TBKBP1: variants seen among roughly 807,000 people sequenced by gnomAD.
TBKBP1 encodes TANK-binding kinase 1-binding protein 1.
In TBKBP1, 47 loss-of-function variants were observed where a neutral mutation model predicts 69.9. The ratio of observed to expected loss-of-function variants is 0.67; its 90% CI spans 0.53 to 0.86. The LOEUF is 0.86. Among genes scored for constraint, TBKBP1 ranks in the 40% least tolerant of loss-of-function variants. TBKBP1 has a pLI of 0.00. For synonymous variants in TBKBP1, 418 were observed against 390.3 expected (o/e 1.07, Z -0.84); for missense variants, 831 against 858.6 (o/e 0.97, Z 0.40).
In TBKBP1 at chr17:47,696,717, C is replaced by G; in HGVS notation, c.232C>G (p.Leu78Val). The change falls in exon 3 of 10, where the codon CTG becomes GTG. Residue 78 changes from leucine to valine, a missense_variant. Transcript: ENST00000578982. The stretch of plus-strand genomic sequence containing the variant: ...AGCTCCACCCCACCTGCAGTACCCA[C>G]TGATCAGTGACTTTGGAGAGGAGCA... The part of the protein sequence containing the change: ...RLKVYEIKYP[L>V]ISDFGEEHGF... 1 of 1,613,964 alleles carries G rather than the reference C, an allele frequency of 6.2e-7. No homozygotes were observed. Among genetic ancestry groups the G allele is most frequent in the Non-Finnish European group, 8.5e-7 (1 of 1,179,852 alleles).
At chr17:47,707,778 C>T (rs2031747567) in intron 7 of TBKBP1, among the ~76,000 whole-genome samples, 1 of 152,128 alleles carries the variant, frequency 6.6e-6, no homozygotes, top group South Asian at 2.1e-4. Flanking sequence ...ATTGGGCTGG[C>T]TTGGGGTTAA....
At chr17:47,699,032 C>A (rs561811003) in intron 5 of TBKBP1, among the ~76,000 whole-genome samples, 3 of 152,136 alleles carry the variant, frequency 2.0e-5, no homozygotes, top group African/African-American at 2.4e-5. Flanking sequence ...AGAGTCCCCC[C>A]GCCCCGTCTC....
intron 7 of TBKBP1, 95 bp downstream of exon 7, chr17:47,699,792 G>GT (rs2031418077): frequency 4.3e-6 from 6 of 1,397,010 alleles, no homozygotes; most frequent in Middle Eastern, 3.6e-4. Context: ...CTGTTGCTCT[G>GT]TGTGCATCCT....
rs773613501 is a variant in TBKBP1, at chr17:47,711,663, C to T, written c.*1037C>T. On this transcript the variant is annotated 3_prime_UTR_variant, in exon 10 of 10. Coordinates refer to ENST00000578982, the MANE Select transcript of TBKBP1 (RefSeq NM_001394755.1). ...GAAATCTACCTCAGAGTTGTACCCT[C>T]AGAAGGACGGGTAAGCAGGAGGCCA... 1 of 152,720 alleles carries T rather than the reference C, an allele frequency of 6.5e-6. No homozygotes were observed. The highest frequency in any genetic ancestry group is 2.1e-4 in the South Asian group (1 of 4,830). 9.5% of individuals were successfully genotyped at this position (152,720 alleles called of 1,614,324 possible).
At position 47,708,698 on chromosome 17, in the gene TBKBP1, C is replaced by T. The variant is rs755319878; in HGVS notation, c.992-27C>T. 87 of 1,480,080 alleles carry T rather than the reference C, an allele frequency of 5.9e-5. No individual in the cohort carries two copies. In the South Asian group the frequency reaches 1.2e-3, roughly 20 times the overall value. The allele number at this position is 1,480,080 out of a possible 1,614,324, so 91.7% of individuals were successfully genotyped here. ...GGTCTTCTCTCTGCACCTTTGTCCC[C>T]CCACCCCGTCCCGGTTTCTCTTCCA... On this transcript the variant is annotated intron_variant, in intron 8 of 9. Transcript: ENST00000578982. The surrounding 1 kb of genome is among the most constrained non-coding windows in gnomAD (Gnocchi z 4.4).
Position 47,708,810 on chromosome 17 carries a change from G to A in TBKBP1, c.1077G>A (p.Pro359=), listed in dbSNP as rs2031795045. 4 of 423,204 alleles carry A rather than the reference G, an allele frequency of 9.5e-6. No homozygotes were observed. Among genetic ancestry groups the A allele is most frequent in the Admixed American group, 4.9e-5 (1 of 20,568 alleles). The allele number at this position is 423,204 out of a possible 1,614,324, so 26.2% of individuals were successfully genotyped here. A position where few individuals can be genotyped will look rare whatever the true frequency, so the allele number is the denominator to read the frequency against. Residue 359 remains proline (P), a synonymous_variant, in exon 9 of 10, where the codon CCG becomes CCA. Transcript: ENST00000578982. This position sits in a 1 kb window ranked among gnomAD's most constrained non-coding sequence, Gnocchi z 4.4. ...SPSPPARAAP[P]CPPCQSPVPQ... Reference sequence around the variant, plus strand: ...CCCCGCCTGCCCGAGCGGCTCCCCCGTGCCCCCCGTGCCAGTCCCCCGTCC... The same window carrying A: ...CCCCGCCTGCCCGAGCGGCTCCCCCATGCCCCCCGTGCCAGTCCCCCGTCC...
In TBKBP1 at chr17:47,699,420, C is replaced by A; in HGVS notation, c.735C>A (p.Leu245=). The part of the protein sequence containing the change: ...AAQGEARGAQ[L]REEQLQAECE... ...AGGGAGAGGCCCGGGGGGCTCAGCT[C>A]CGGGAGGAGCAGCTCCAGGCCGAGT... is the stretch of plus-strand genomic sequence containing the variant. The change falls in exon 6 of 10, where the codon CTC becomes CTA. Residue 245 remains leucine (L), a synonymous_variant. Transcript: ENST00000578982. The A allele has an allele frequency of 6.4e-7, 1 of 1,568,358 alleles. No individual in the cohort carries two copies. Among genetic ancestry groups the A allele is most frequent in the East Asian group, 2.3e-5 (1 of 44,178 alleles).
At position 47,710,699 on chromosome 17, in the gene TBKBP1, A is replaced by G; in HGVS notation, c.*73A>G. The G allele has an allele frequency of 1.3e-6, 2 of 1,542,958 alleles. No individual in the cohort carries two copies. The highest frequency in any genetic ancestry group is 2.4e-5 in the South Asian group (2 of 84,154). ...CCCAAACACTCACTTTGAATGCTGC[A>G]TGAATCTCGTGGGGGGTCCCTGCCC... On this transcript the variant is annotated 3_prime_UTR_variant, in exon 10 of 10. Coordinates refer to ENST00000578982, the MANE Select transcript of TBKBP1 (RefSeq NM_001394755.1).
At chr17:47,700,815 A>G (rs958730620) in intron 7 of TBKBP1, among the ~76,000 whole-genome samples, 3 of 152,210 alleles carry the variant, frequency 2.0e-5, no homozygotes, top group East Asian at 1.9e-4. Context: ...TGGGGGGCCC[A>G]GTGCTGGGGC....
At chr17:47,710,058 A>G (rs950705155) in intron 9 of TBKBP1, among the ~76,000 whole-genome samples, 2 of 152,242 alleles carry the variant, frequency 1.3e-5, no homozygotes, top group Non-Finnish European at 2.9e-5. Flanking sequence ...TCAGGGCTCA[A>G]TCATTTCACT....
intron 7 of TBKBP1, among the ~76,000 whole-genome samples, chr17:47,707,583 C>T (rs1183774189): frequency 6.6e-6 from 1 of 152,204 alleles, no homozygotes. Flanking sequence ...TAGAACAAGG[C>T]AGCCTTTGAG....
chr17:47,701,375 ACACTCT>A (rs1269697956), intron 7 of TBKBP1, among the ~76,000 whole-genome samples: 11 of 148,728 alleles, frequency 7.4e-5, no homozygotes, highest in African/African-American at 2.8e-4. Flanking sequence ...ACACACACAC[ACACTCT>A]CTCTCTCTCT....
At chr17:47,705,004 C>G (rs1157428470) in intron 7 of TBKBP1, among the ~76,000 whole-genome samples, 2 of 152,222 alleles carry the variant, frequency 1.3e-5, no homozygotes, top group African/African-American at 4.8e-5. Context: ...ACTCTGTGAC[C>G]TTGAGCCAGC....
In TBKBP1 at chr17:47,710,205, G is replaced by A. The variant is rs143001147; in HGVS notation, c.1720-293G>A. ...GTACATTGCTTTGAGTTATCCGGGAGCTGTCTTAGTCACTCTGGGGGCATG... is the reference window on the plus strand; with the variant it reads ...GTACATTGCTTTGAGTTATCCGGGAACTGTCTTAGTCACTCTGGGGGCATG... On this transcript the variant is annotated intron_variant, in intron 9 of 9. Transcript: ENST00000578982. 1.8e-3 allele frequency among the ~76,000 whole-genome samples: 280 copies of A among 152,348 alleles called. 1 individual carries two copies. The highest frequency in any genetic ancestry group is 6.3e-3 in the African/African-American group (263 of 41,578).
At chr17:47,710,114 G>C (rs985243640) in intron 9 of TBKBP1, among the ~76,000 whole-genome samples, 1 of 152,222 alleles carries the variant, frequency 6.6e-6, no homozygotes, top group Non-Finnish European at 1.5e-5. Flanking sequence ...TTGTAACCTG[G>C]AAAGACCAAA....
At chr17:47,696,972 C>G in intron 3 of TBKBP1, 117 bp from the exon 4 acceptor site, 1 of 1,504,828 alleles carries the variant, frequency 6.6e-7, no homozygotes, top group Non-Finnish European at 9.0e-7. Context: ...CCAGCTGCAG[C>G]TCCTCCTGCC....
Position 47,698,694 on chromosome 17 carries a change from C to T in TBKBP1, c.553C>T (p.Pro185Ser). 6.2e-7 allele frequency: 1 copy of T among 1,606,494 alleles called. No individual in the cohort carries two copies. The highest frequency in any genetic ancestry group is 8.5e-7 in the Non-Finnish European group (1 of 1,176,648). ...LQDAAFSNLSPPPAPAPPCTD... is the reference protein window; with the variant it reads ...LQDAAFSNLSSPPAPAPPCTD... ...GGATGCAGCCTTCTCCAACCTGAGC[C>T]CACCGCCAGCCCCCGCCCCTCCCTG... is the stretch of plus-strand genomic sequence containing the variant. The change falls in exon 5 of 10, where the codon CCA (proline) becomes TCA (serine). Residue 185 changes from proline to serine, a missense_variant. By Grantham distance (74) the Pro-to-Ser change is moderately conservative (BLOSUM62 -1). Transcript: ENST00000578982.
intron 4 of TBKBP1, among the ~76,000 whole-genome samples, chr17:47,697,565 G>T (rs1431887639): frequency 6.6e-6 from 1 of 152,148 alleles, no homozygotes; most frequent in Non-Finnish European, 1.5e-5. Flanking sequence ...CCCTTGGGAG[G>T]CTGTGAGGGT....
At chr17:47,696,899 C>T in intron 3 of TBKBP1, 66 bp downstream of exon 3, 4 of 1,588,276 alleles carry the variant, frequency 2.5e-6, no homozygotes, top group African/African-American at 1.3e-5. Context: ...ATACCCTTCC[C>T]TCCACACCCC....
Sources: allele counts gnomAD v4.1 joint callset (sites outside exome capture counted in the v4.1 genomes callset), GRCh38; gene constraint gnomAD v4.1.1; non-coding constraint Gnocchi (gnomAD v3.1); transcripts MANE v1.5; gene names NCBI Gene and HGNC (gene_info 2026-07-23, HGNC 2026-07-21).